GRAMD1B: variants seen among roughly 807,000 people sequenced by gnomAD.
The protein encoded by GRAMD1B is GRAM domain containing 1B, also known as protein Aster-B.
GRAMD1B carries 37 observed loss-of-function variants against 99.7 expected under a neutral mutation model. The ratio of observed to expected loss-of-function variants is 0.37; its 90% CI spans 0.29 to 0.49. The LOEUF (loss-of-function observed/expected upper bound fraction) is 0.49. GRAMD1B is among the 20% of genes least tolerant of loss of function. GRAMD1B has a pLI of 0.98. For missense variants in GRAMD1B, 888 were observed against 1,009.2 expected, an observed-to-expected ratio of 0.88 and a Z score of 1.63; for synonymous variants, 427 against 387.6, an observed-to-expected ratio of 1.10 and a Z score of -1.19.
At chr11:123,609,267 G>A (rs563615428) in intron 12 of GRAMD1B, among the ~76,000 whole-genome samples, 1 of 152,250 alleles carries the variant, frequency 6.6e-6, no homozygotes, top group East Asian at 1.9e-4. Context: ...AGCTAGGCCG[G>A]GCCTCACATC....
At chr11:123,572,269 A>G (rs1948188240) in intron 2 of GRAMD1B, among the ~76,000 whole-genome samples, 1 of 152,188 alleles carries the variant, frequency 6.6e-6, no homozygotes, top group Non-Finnish European at 1.5e-5. Flanking sequence ...TTCCATCCCT[A>G]CAGCATATGT....
intron 2 of GRAMD1B, among the ~76,000 whole-genome samples, chr11:123,566,420 G>T (rs1240783993): frequency 6.6e-6 from 1 of 152,184 alleles, no homozygotes; most frequent in Non-Finnish European, 1.5e-5. Flanking sequence ...GCCAGCTTTA[G>T]AAAGACATGT....
chr11:123,418,706 T>C (rs1013463946), intron 1 of GRAMD1B, among the ~76,000 whole-genome samples: 2 of 152,118 alleles, frequency 1.3e-5, no homozygotes, highest in African/African-American at 4.8e-5. Flanking sequence ...GCAGATGATA[T>C]TCTTCAGTTT....
At chr11:123,380,415 A>T (rs1946832032) in intron 1 of GRAMD1B, among the ~76,000 whole-genome samples, 1 of 152,270 alleles carries the variant, frequency 6.6e-6, no homozygotes, top group Non-Finnish European at 1.5e-5. Flanking sequence ...TCAAGATTAG[A>T]GGAAAAAGAG....
intron 1 of GRAMD1B, among the ~76,000 whole-genome samples, chr11:123,441,155 G>T (rs1949388568): frequency 6.6e-6 from 1 of 152,176 alleles, no homozygotes; most frequent in Admixed American, 6.5e-5. Flanking sequence ...GAGCAGGGTT[G>T]TCACATGGTG....
chr11:123,401,699 C>T (rs1947668429), intron 1 of GRAMD1B, among the ~76,000 whole-genome samples: 1 of 152,120 alleles, frequency 6.6e-6, no homozygotes, highest in Non-Finnish European at 1.5e-5. Flanking sequence ...GCCTGGACAG[C>T]ATAGTGAGAC....
At chr11:123,397,867 A>T (rs1230275949) in intron 1 of GRAMD1B, among the ~76,000 whole-genome samples, 2 of 152,162 alleles carry the variant, frequency 1.3e-5, no homozygotes, top group Non-Finnish European at 2.9e-5. Flanking sequence ...TCTTACCCTC[A>T]GCATATATAA....
rs571826329 is a variant in GRAMD1B, at chr11:123,424,345, C to T, written c.-175-56471C>T. ...CTAAAGAATAAAATCTATAATTCAA[C>T]ACTAGGCTAGGTGTGGTGGCTCGCA... On this transcript the variant is annotated intron_variant, in intron 1 of 20. Transcript: ENST00000638157. Among the ~76,000 whole-genome samples, 307 of 151,720 alleles carry T rather than the reference C, an allele frequency of 2.0e-3. 1 individual carries two copies. Among genetic ancestry groups the T allele is most frequent in the African/African-American group, 6.5e-3 (268 of 41,378 alleles).
intron 1 of GRAMD1B, among the ~76,000 whole-genome samples, chr11:123,391,776 C>A (rs913360795): frequency 6.6e-6 from 1 of 152,114 alleles, no homozygotes; most frequent in Admixed American, 6.6e-5. Context: ...AATTCTTTCA[C>A]CAAATATGTG....
intron 2 of GRAMD1B, among the ~76,000 whole-genome samples, chr11:123,517,444 T>G (rs1941777218): frequency 6.6e-6 from 1 of 152,218 alleles, no homozygotes; most frequent in African/African-American, 2.4e-5. Context: ...GGTGAAAATG[T>G]ATTGAGCACT....
At chr11:123,520,715 G>T (rs1041007041) in intron 2 of GRAMD1B, among the ~76,000 whole-genome samples, 7 of 148,924 alleles carry the variant, frequency 4.7e-5, no homozygotes, top group Non-Finnish European at 8.9e-5. Context: ...GGAGGTGGAG[G>T]CTGCAGTGAG....
At chr11:123,479,147 C>T (rs1338556878) in intron 1 of GRAMD1B, among the ~76,000 whole-genome samples, 1 of 152,208 alleles carries the variant, frequency 6.6e-6, no homozygotes, top group East Asian at 1.9e-4. Context: ...GGATTCCGTA[C>T]ACAGTGAGTT....
chr11:123,606,661 A>G lies in GRAMD1B; in HGVS notation c.1376A>G (p.Glu459Gly). 1 of 1,613,082 alleles carries G rather than the reference A, an allele frequency of 6.2e-7. No homozygotes were observed. Among genetic ancestry groups the G allele is most frequent in the Non-Finnish European group, 8.5e-7 (1 of 1,179,522 alleles). Residue 459 changes from glutamate (E) to glycine (G), a missense_variant, in exon 11 of 20, where the codon GAA becomes GGA. By Grantham distance (98) the Glu-to-Gly change is moderately conservative. Coordinates refer to ENST00000635736, the MANE Select transcript of GRAMD1B (RefSeq NM_001387025.1). ...GCGCTGGAGGGAGACGGGTCCCTGG[A>G]AAAGGAGCTCGCCATTGACAACATC... ...EEALEGDGSLEKELAIDNIMG... is the reference protein window; with the variant it reads ...EEALEGDGSLGKELAIDNIMG...
At chr11:123,618,952 G>A (rs1272101385) in intron 18 of GRAMD1B, among the ~76,000 whole-genome samples, 152 bp downstream of exon 18, 1 of 152,086 alleles carries the variant, frequency 6.6e-6, no homozygotes, top group African/African-American at 2.4e-5. Context: ...TATAGTTTCA[G>A]CCCACTTCTG....
At chr11:123,464,521 G>A (rs896927667) in intron 1 of GRAMD1B, among the ~76,000 whole-genome samples, 3 of 152,088 alleles carry the variant, frequency 2.0e-5, no homozygotes, top group Admixed American at 2.0e-4. Context: ...TTAAACATTT[G>A]TCAGCACAGA....
intron 5 of GRAMD1B, among the ~76,000 whole-genome samples, 177 bp from the exon 6 acceptor site, chr11:123,594,558 C>T (rs1951039694): frequency 6.6e-6 from 1 of 152,194 alleles, no homozygotes; most frequent in Non-Finnish European, 1.5e-5. Flanking sequence ...CTTTATGCTC[C>T]TCATCATGAG....
At chr11:123,396,584 C>A (rs2135889569) in intron 1 of GRAMD1B, among the ~76,000 whole-genome samples, 1 of 152,282 alleles carries the variant, frequency 6.6e-6, no homozygotes, top group Non-Finnish European at 1.5e-5. Flanking sequence ...CCCCCATATG[C>A]ACTTCTATTT....
chr11:123,365,223 G>A (rs1946276987), intron 1 of GRAMD1B, among the ~76,000 whole-genome samples: 2 of 151,662 alleles, frequency 1.3e-5, no homozygotes, highest in African/African-American at 4.9e-5. Flanking sequence ...TGCTTTCCTT[G>A]TAGATTCTAC....
intron 1 of GRAMD1B, among the ~76,000 whole-genome samples, chr11:123,363,427 C>T (rs949496327): frequency 1.3e-5 from 2 of 152,150 alleles, no homozygotes; most frequent in Non-Finnish European, 2.9e-5. Context: ...TGATAACCGC[C>T]TGTAAAGAAC....
Sources: allele counts gnomAD v4.1 joint callset (sites outside exome capture counted in the v4.1 genomes callset), GRCh38; gene constraint gnomAD v4.1.1; transcripts MANE v1.5; gene names NCBI Gene and HGNC (gene_info 2026-07-23, HGNC 2026-07-21).